The following ST7 variants were observed in gnomAD, a reference collection of about 807,000 sequenced individuals.
ST7 encodes suppression of tumorigenicity 7, also known as suppressor of tumorigenicity 7 protein.
Under a neutral mutation model 78.7 loss-of-function variants are expected in ST7, and 28 were observed. The ratio of observed to expected loss-of-function variants is 0.36; its 90% CI spans 0.26 to 0.49. The LOEUF is 0.49. Ranked by LOEUF, ST7 falls within the 20% of genes least tolerant of loss-of-function variation. The pLI, the probability that ST7 is intolerant of heterozygous loss-of-function variation, is 0.99. For missense variants in ST7, 418 were observed against 696.0 expected, an observed-to-expected ratio of 0.60 and a Z score of 4.49; for synonymous variants, 247 against 249.6, an observed-to-expected ratio of 0.99 and a Z score of 0.10.
chr7:117,041,590 A>G (rs1329963367), intron 1 of ST7, among the ~76,000 whole-genome samples: 2 of 152,186 alleles, frequency 1.3e-5, no homozygotes, highest in African/African-American at 2.4e-5. Flanking sequence ...ATATATCTAT[A>G]TATAAGATCA....
chr7:116,963,822 AGGG>A (rs1205415966), intron 1 of ST7, among the ~76,000 whole-genome samples: 1 of 151,860 alleles, frequency 6.6e-6, no homozygotes, highest in African/African-American at 2.4e-5. Context: ...TAGTAGAGAC[AGGG>A]TTTCACCATA....
At chr7:117,211,830 CAG>C (rs1256655595) in intron 13 of ST7, among the ~76,000 whole-genome samples, 1 of 152,002 alleles carries the variant, frequency 6.6e-6, no homozygotes, top group Non-Finnish European at 1.5e-5. Flanking sequence ...TGAAGTGAAA[CAG>C]GGAGCTACAA....
chr7:117,067,455 C>T (rs1287888947), intron 1 of ST7, among the ~76,000 whole-genome samples: 1 of 151,936 alleles, frequency 6.6e-6, no homozygotes, highest in African/African-American at 2.4e-5. Context: ...GTTCTGAGTA[C>T]AAGGAAAAGT....
intron 6 of ST7, among the ~76,000 whole-genome samples, chr7:117,133,835 G>A (rs571224433): frequency 1.2e-4 from 18 of 151,794 alleles, no homozygotes; most frequent in Non-Finnish European, 2.1e-4. Flanking sequence ...ATCTGACCTG[G>A]GAGAAATCTC....
At chr7:117,059,041 G>T (rs992603156) in intron 1 of ST7, among the ~76,000 whole-genome samples, 3 of 152,190 alleles carry the variant, frequency 2.0e-5, no homozygotes, top group Non-Finnish European at 4.4e-5. Context: ...GGTTACCAGA[G>T]ATTGGGAAGG....
intron 1 of ST7, among the ~76,000 whole-genome samples, chr7:117,036,356 G>T (rs1795641400): frequency 6.6e-6 from 1 of 152,214 alleles, no homozygotes; most frequent in African/African-American, 2.4e-5. Context: ...TGTAATGTGT[G>T]TGGCCCTCAA....
Position 117,219,219 on chromosome 7 carries a change from A to T in ST7, c.1498+43A>T, listed in dbSNP as rs531038624. The T allele has an allele frequency of 6.6e-7, 1 of 1,521,526 alleles. No homozygotes were observed. Among genetic ancestry groups the T allele is most frequent in the African/African-American group, 1.4e-5 (1 of 72,248 alleles). The allele number at this position is 1,521,526 out of a possible 1,614,324, so 94.3% of individuals were successfully genotyped here. ...TCAGCCAGTGAGGGTGTGTGGTGAAAGGTGGGGATTGGAAGAGGTGGGAAT... is the reference window on the plus strand; with the variant it reads ...TCAGCCAGTGAGGGTGTGTGGTGAATGGTGGGGATTGGAAGAGGTGGGAAT... On this transcript the variant is annotated intron_variant, in intron 14 of 15. Coordinates refer to ENST00000323984, the MANE Select transcript of ST7 (RefSeq NM_001369598.1). The surrounding 1 kb of genome is among the most constrained non-coding windows in gnomAD (Gnocchi z 5.1).
chr7:117,209,455 G>T (rs1185522812), intron 12 of ST7, among the ~76,000 whole-genome samples: 1 of 152,106 alleles, frequency 6.6e-6, no homozygotes, highest in Non-Finnish European at 1.5e-5. Flanking sequence ...GTTTTATAAG[G>T]TTTCATTCTG....
chr7:117,146,094 G>A (rs1034831179), intron 9 of ST7: 2 of 152,184 alleles, frequency 1.3e-5, no homozygotes, highest in African/African-American at 4.8e-5. Context: ...ATTCTGCTAA[G>A]AAATTTACAA....
In ST7 at chr7:117,138,548, T is replaced by C. The variant is rs1220546564; in HGVS notation, c.963+16T>C. The C allele has an allele frequency of 6.4e-7, 1 of 1,573,042 alleles. No homozygotes were observed. Among genetic ancestry groups the C allele is most frequent in the South Asian group, 1.2e-5 (1 of 86,854 alleles). Reference sequence around the variant, plus strand: ...GATGAGAGATGTGAGTTTGAGTTTGTGTTTGGGATCAGTGGCTTACAGATA... The same window carrying C: ...GATGAGAGATGTGAGTTTGAGTTTGCGTTTGGGATCAGTGGCTTACAGATA... On this transcript the variant is annotated intron_variant, in intron 9 of 15. Coordinates refer to ENST00000323984, the MANE Select transcript of ST7 (RefSeq NM_001369598.1).
At chr7:117,030,574 G>T (rs1440320435) in intron 1 of ST7, among the ~76,000 whole-genome samples, 1 of 152,116 alleles carries the variant, frequency 6.6e-6, no homozygotes, top group Admixed American at 6.6e-5. Flanking sequence ...CAGCCAACAA[G>T]CATATGAAAA....
intron 1 of ST7, among the ~76,000 whole-genome samples, chr7:117,083,352 C>T (rs1237983596): frequency 1.3e-5 from 2 of 152,188 alleles, no homozygotes; most frequent in Admixed American, 6.5e-5. Context: ...ACCTCCGCCT[C>T]TCTGGTGATT....
At chr7:116,970,519 A>G (rs1585064064) in intron 1 of ST7, among the ~76,000 whole-genome samples, 2 of 152,248 alleles carry the variant, frequency 1.3e-5, no homozygotes, top group South Asian at 4.1e-4. Flanking sequence ...CCTCACATGG[A>G]AGAGAGCAGA....
intron 1 of ST7, among the ~76,000 whole-genome samples, chr7:116,987,670 G>T (rs953749431): frequency 6.6e-6 from 1 of 152,166 alleles, no homozygotes; most frequent in African/African-American, 2.4e-5. Flanking sequence ...GGCTTCTCTT[G>T]TTCACGTCTG....
chr7:117,102,994 T>C (rs186083392), intron 2 of ST7, among the ~76,000 whole-genome samples: 111 of 152,032 alleles, frequency 7.3e-4, no homozygotes, highest in African/African-American at 2.3e-3. Context: ...ATAAAGAGCA[T>C]AAAATACCTA....
chr7:117,151,175 C>T (rs1196250537), intron 9 of ST7, among the ~76,000 whole-genome samples: 1 of 152,222 alleles, frequency 6.6e-6, no homozygotes, highest in Admixed American at 6.5e-5. Context: ...AAACTCAGAT[C>T]AGCATTTGTC....
chr7:117,001,238 T>TTAAAAG (rs1794919702), intron 1 of ST7, among the ~76,000 whole-genome samples: 2 of 152,202 alleles, frequency 1.3e-5, no homozygotes, highest in Admixed American at 1.3e-4. Flanking sequence ...TTCGCCTGCC[T>TTAAAAG]CCACTTTAAA....
intron 10 of ST7, 40 bp from the exon 11 acceptor site, chr7:117,189,278 TACC>T (rs1298882711): frequency 9.6e-6 from 14 of 1,462,402 alleles, no homozygotes; most frequent in Middle Eastern, 1.8e-4. Context: ...TGCTCTTTGT[TACC>T]TGCAAACTTA....
In ST7 at chr7:117,083,072, A is replaced by T. The variant is rs561275405; in HGVS notation, c.152-16690A>T. On this transcript the variant is annotated intron_variant, in intron 1 of 15. Coordinates refer to ENST00000323984, the MANE Select transcript of ST7 (RefSeq NM_001369598.1). The stretch of plus-strand genomic sequence containing the variant: ...TTATTTTATATTTTTATTTTATTTT[A>T]TGTTGAGACGGAGTTTTGCTCTTGT... Among the ~76,000 whole-genome samples, 16 of 151,996 alleles carry T rather than the reference A, an allele frequency of 1.1e-4. No homozygotes were observed. In the South Asian group the frequency reaches 2.9e-3, roughly 28 times the overall value.
Sources: gnomAD v4.1 joint callset for allele counts (sites outside exome capture counted in the v4.1 genomes callset) on GRCh38, gnomAD v4.1.1 for gene constraint, Gnocchi (gnomAD v3.1) non-coding constraint, MANE v1.5 for transcripts, NCBI Gene and HGNC (gene_info 2026-07-23, HGNC 2026-07-21) for gene names.